SHROOM4: variants seen among roughly 807,000 people sequenced by gnomAD.
SHROOM4 encodes the protein protein Shroom4.
In SHROOM4, 17 loss-of-function variants were observed where a neutral mutation model predicts 80.3. That is an observed-to-expected ratio of 0.21 (90% CI 0.14 to 0.32). The LOEUF (loss-of-function observed/expected upper bound fraction) is 0.32, where lower values mean the gene tolerates loss of function less well. Among genes scored for constraint, SHROOM4 ranks in the 10% least tolerant of loss-of-function variants. The pLI is 1.00. For synonymous variants in SHROOM4, 400 were observed against 437.5 expected (o/e 0.91, Z 1.07); for missense variants, 993 against 1,140.3 (o/e 0.87, Z 1.86).
At position 50,696,486 on chromosome X, in the gene SHROOM4, G is replaced by A. The variant is rs1420807646; in HGVS notation, c.118-549C>T. On this transcript the variant is annotated intron_variant, in intron 1 of 8. Transcript: ENST00000376020. Reference sequence around the variant, plus strand: ...ATAACAAGACTAGCTACCTCACAGAGTTGTTAGTATAGTATATATCTGAGA... The same window carrying A: ...ATAACAAGACTAGCTACCTCACAGAATTGTTAGTATAGTATATATCTGAGA... Among the ~76,000 whole-genome samples the A allele has an allele frequency of 4.5e-5, 5 of 111,969 alleles. No individual in the cohort carries two copies. The East Asian group carries it at 1.1e-3, about 25-fold the overall frequency.
chrX:50,723,915 C>T (rs1330172584), intron 1 of SHROOM4, among the ~76,000 whole-genome samples: 4 of 110,605 alleles, frequency 3.6e-5, no homozygotes, highest in African/African-American at 6.6e-5. Flanking sequence ...CTTATTAGGT[C>T]GAGACATTTT....
At chrX:50,756,339 C>A (rs1333202016) in intron 1 of SHROOM4, among the ~76,000 whole-genome samples, 3 of 112,071 alleles carry the variant, frequency 2.7e-5, no homozygotes, top group Non-Finnish European at 1.9e-5. Flanking sequence ...CTTTTCACTG[C>A]CGAACAATAT....
intron 2 of SHROOM4, among the ~76,000 whole-genome samples, chrX:50,689,012 G>C (rs1933154307): frequency 9.0e-6 from 1 of 110,919 alleles, no homozygotes; most frequent in Non-Finnish European, 1.9e-5. Flanking sequence ...TATGAACCTG[G>C]TATCTAGATC....
At chrX:50,753,850 A>G (rs1934976765) in intron 1 of SHROOM4, among the ~76,000 whole-genome samples, 1 of 111,954 alleles carries the variant, frequency 8.9e-6, no homozygotes, top group Admixed American at 9.5e-5. Flanking sequence ...CCTAACTCCT[A>G]AAGTTTTTCC....
chrX:50,670,937 G>A lies in SHROOM4; in HGVS notation c.269+24849C>T, dbSNP rs782191679. Among the ~76,000 whole-genome samples, 8 of 111,404 alleles carry A rather than the reference G, an allele frequency of 7.2e-5. No individual in the cohort carries two copies. The East Asian group carries it at 1.1e-3, about 16-fold the overall frequency. On this transcript the variant is annotated intron_variant, in intron 2 of 8. Transcript: ENST00000376020. ...TGAGGAGTGTCTGTTGATATCTTTC[G>A]CCCACTTTTTGATAAATAATAAGAC...
At chrX:50,699,852 C>T (rs1374093606) in intron 1 of SHROOM4, among the ~76,000 whole-genome samples, 1 of 112,125 alleles carries the variant, frequency 8.9e-6, no homozygotes, top group African/African-American at 3.2e-5. Flanking sequence ...CTAACAGATA[C>T]TTGCTTGGGT....
rs1296641366 is a variant in SHROOM4, at chrX:50,607,775, G to C, written c.3367C>G (p.Gln1123Glu). 3 of 1,205,766 alleles carry C rather than the reference G, an allele frequency of 2.5e-6. No homozygotes were observed. In the African/African-American group the frequency reaches 5.3e-5, roughly 21 times the overall value. Reference protein sequence around the residue: ...RLFRAAQQQKQQQQQQKQQEE... With the variant: ...RLFRAAQQQKEQQQQQKQQEE... ...TGTTGCTTCTGCTGCTGCTGTTGCTGCTTCTGCTGCTGGGCTGCACGAAAG... is the reference window on the plus strand; with the variant it reads ...TGTTGCTTCTGCTGCTGCTGTTGCTCCTTCTGCTGCTGGGCTGCACGAAAG... The change falls in exon 6 of 9, where the codon CAG becomes GAG. Residue 1123 changes from glutamine (Q) to glutamate (E), a missense_variant. Gln to Glu is a conservative substitution (Grantham distance 29). Coordinates refer to ENST00000376020, the MANE Select transcript of SHROOM4 (RefSeq NM_020717.5).
chrX:50,803,581 C>T (rs1294889513), intron 1 of SHROOM4, among the ~76,000 whole-genome samples: 1 of 111,763 alleles, frequency 8.9e-6, no homozygotes, highest in Admixed American at 9.5e-5. Flanking sequence ...TCCAATTCTT[C>T]CTTTTTTCAC....
intron 2 of SHROOM4, among the ~76,000 whole-genome samples, chrX:50,690,323 G>A (rs781990803): frequency 2.7e-5 from 3 of 110,876 alleles, no homozygotes; most frequent in African/African-American, 9.8e-5. Flanking sequence ...AATTTTATTG[G>A]TAATTCATCT....
At chrX:50,615,098 T>TTGTGTGTGTG (rs58621277) in intron 5 of SHROOM4, among the ~76,000 whole-genome samples, 1 of 98,466 alleles carries the variant, frequency 1.0e-5, no homozygotes, top group East Asian at 3.3e-4. Flanking sequence ...GATTCTCTTA[T>TTGTGTGTGTG]TGTGTGTGTG....
chrX:50,684,933 T>C (rs1933035743), intron 2 of SHROOM4, among the ~76,000 whole-genome samples: 1 of 112,280 alleles, frequency 8.9e-6, no homozygotes. Flanking sequence ...TTTAGACTTA[T>C]TTCTGCAGGC....
At chrX:50,749,562 T>C (rs148119630) in intron 1 of SHROOM4, among the ~76,000 whole-genome samples, 78 of 111,389 alleles carry the variant, frequency 7.0e-4, no homozygotes, top group African/African-American at 2.4e-3. Context: ...GTAGTAGGGA[T>C]GGAATGAAGG....
intron 2 of SHROOM4, among the ~76,000 whole-genome samples, chrX:50,672,292 T>C: frequency 8.9e-6 from 1 of 111,751 alleles, no homozygotes; most frequent in Non-Finnish European, 1.9e-5. Context: ...GAACATGCTA[T>C]TGGAAAAATG....
rs1450932102 is a variant in SHROOM4, at chrX:50,593,375, G to A, written c.*3320C>T. 1 of 111,217 alleles carries A rather than the reference G, an allele frequency of 9.0e-6. No homozygotes were observed. Among genetic ancestry groups the A allele is most frequent in the Non-Finnish European group, 1.9e-5 (1 of 52,985 alleles). The allele number at this position is 111,217 out of a possible 1,213,427, so 9.2% of individuals were successfully genotyped here. A position where few individuals can be genotyped will look rare whatever the true frequency, so the allele number is the denominator to read the frequency against. On this transcript the variant is annotated 3_prime_UTR_variant, in exon 9 of 9. Transcript: ENST00000376020. Reference sequence around the variant, plus strand: ...TATGACCCTTGATGACAATCTGGCAGGCATATCTATGTCAGCCAAGAAGGG... The same window carrying A: ...TATGACCCTTGATGACAATCTGGCAAGCATATCTATGTCAGCCAAGAAGGG...
At position 50,633,839 on chromosome X, in the gene SHROOM4, G is replaced by A. The variant is rs782640179; in HGVS notation, c.2234C>T (p.Pro745Leu). 4 of 1,210,892 alleles carry A rather than the reference G, an allele frequency of 3.3e-6. No homozygotes were observed. The highest frequency in any genetic ancestry group is 3.0e-5 in the East Asian group (1 of 33,785). The change falls in exon 4 of 9, where the codon CCT becomes CTT. Residue 745 changes from proline to leucine, a missense_variant. Coordinates refer to ENST00000376020, the MANE Select transcript of SHROOM4 (RefSeq NM_020717.5). ...QPLVAAAMEG[P>L]SNPGDNKELK... ...TTCCTTGTTGTCACCTGGGTTGGAAGGGCCTTCCATGGCTGCTGCCACAAG... is the reference window on the plus strand; with the variant it reads ...TTCCTTGTTGTCACCTGGGTTGGAAAGGCCTTCCATGGCTGCTGCCACAAG...
chrX:50,813,032 G>A (rs1227087180), intron 1 of SHROOM4, among the ~76,000 whole-genome samples: 4 of 111,415 alleles, frequency 3.6e-5, no homozygotes, highest in Non-Finnish European at 7.6e-5. Context: ...CTACGGGGGA[G>A]GCTCGCTTTG....
At chrX:50,750,265 C>T (rs1413678854) in intron 1 of SHROOM4, among the ~76,000 whole-genome samples, 3 of 111,587 alleles carry the variant, frequency 2.7e-5, no homozygotes, top group Non-Finnish European at 5.6e-5. Flanking sequence ...ATCCTTACTC[C>T]TATTATTTTT....
chrX:50,590,792 C>A lies in SHROOM4; in HGVS notation c.*5903G>T, dbSNP rs1224442417. Among the ~76,000 whole-genome samples, 2 of 112,292 alleles carry A rather than the reference C, an allele frequency of 1.8e-5. No homozygotes were observed. Among genetic ancestry groups the A allele is most frequent in the Non-Finnish European group, 3.8e-5 (2 of 53,259 alleles). ...AGAAATGTCTATTACAATCTGTTAA[C>A]CCATTTTTAATTGGTTATTTTTATC... On this transcript the variant is annotated 3_prime_UTR_variant, in exon 9 of 9. Transcript: ENST00000376020.
At chrX:50,794,514 C>T (rs1029156400) in intron 1 of SHROOM4, among the ~76,000 whole-genome samples, 2 of 110,203 alleles carry the variant, frequency 1.8e-5, no homozygotes, top group African/African-American at 6.6e-5. Flanking sequence ...GAGGGATGTT[C>T]TGCAGGACGC....
Sources: allele counts gnomAD v4.1 joint callset (sites outside exome capture counted in the v4.1 genomes callset), GRCh38; gene constraint gnomAD v4.1.1; transcripts MANE v1.5; gene names NCBI Gene and HGNC (gene_info 2026-07-23, HGNC 2026-07-21).